Variants in PHACTR2 observed in about 807,000 individuals in gnomAD.
PHACTR2 encodes chromosome 6 open reading frame 56.
Under a neutral mutation model 76.0 loss-of-function variants are expected in PHACTR2, and 30 were observed. That is an observed-to-expected ratio of 0.39 (90% CI 0.30 to 0.54). The LOEUF is 0.54. Ranked by LOEUF, PHACTR2 falls within the 20% of genes least tolerant of loss-of-function variation. The pLI is 0.61. For synonymous variants in PHACTR2, 292 were observed against 292.5 expected (o/e 1.00, Z 0.02); for missense variants, 696 against 781.1 (o/e 0.89, Z 1.30).
chr6:143,813,342 G>A (rs111513570), intron 12 of PHACTR2, among the ~76,000 whole-genome samples: 4 of 152,192 alleles, frequency 2.6e-5, no homozygotes, highest in African/African-American at 7.2e-5. Context: ...AGATGCAGCC[G>A]GGTGCGGTGG....
intron 1 of PHACTR2, among the ~76,000 whole-genome samples, chr6:143,681,893 TA>T (rs1777396431): frequency 6.6e-6 from 1 of 152,238 alleles, no homozygotes; most frequent in Non-Finnish European, 1.5e-5. Context: ...ACTGTGTACA[TA>T]AGGGTTTACT....
Position 143,683,166 on chromosome 6 carries a change from G to A in PHACTR2, c.46+4957G>A, listed in dbSNP as rs59502532. Among the ~76,000 whole-genome samples, 2,431 of 152,222 alleles carry A rather than the reference G, an allele frequency of 0.016. 43 individuals are homozygous for A. Among genetic ancestry groups the A allele is most frequent in the African/African-American group, 0.056 (2,326 of 41,510 alleles). On this transcript the variant is annotated intron_variant, in intron 1 of 12. Coordinates refer to ENST00000440869, the MANE Select transcript of PHACTR2 (RefSeq NM_001100164.2). This position sits in a 1 kb window ranked among gnomAD's most constrained non-coding sequence, Gnocchi z 4.1. ...ATATGCCCTCAAATAGGATGGTTTC[G>A]GTACCCTCTGGCATCATGCCCTAGG...
chr6:143,756,946 T>C (rs1779315009), intron 4 of PHACTR2, among the ~76,000 whole-genome samples: 1 of 151,372 alleles, frequency 6.6e-6, no homozygotes, highest in African/African-American at 2.4e-5. Context: ...ACTGGGAAGC[T>C]GAGGCAGGGA....
rs922392009 is a variant in PHACTR2 at position 143,624,100 on chromosome 6, TG to T, written c.13+15779del. The stretch of plus-strand genomic sequence containing the variant: ...CTGAAATCTTGTTAATTTTTTTTGT[TG>T]TTTTTTTTGTTTGTTTGTTTGTTTT... On this transcript the variant is annotated intron_variant, in intron 1 of 11. Coordinates refer to the PHACTR2 transcript ENST00000305766. This position sits in a 1 kb window ranked among gnomAD's most constrained non-coding sequence, Gnocchi z 4.6. 2.1e-4 allele frequency among the ~76,000 whole-genome samples: 31 copies of T among 150,620 alleles called. No individual in the cohort carries two copies. The highest frequency in any genetic ancestry group is 5.8e-4 in the African/African-American group (24 of 41,140).
chr6:143,676,176 T>C (rs909782253), upstream of PHACTR2, among the ~76,000 whole-genome samples: 1 of 152,124 alleles, frequency 6.6e-6, no homozygotes, highest in Admixed American at 6.5e-5. This position sits in a 1 kb window ranked among gnomAD's most constrained non-coding sequence, Gnocchi z 4.8. Context: ...CTGGTTAGGG[T>C]ATTATAGGAA....
chr6:143,745,346 A>C (rs1779035536), intron 2 of PHACTR2, among the ~76,000 whole-genome samples: 1 of 152,184 alleles, frequency 6.6e-6, no homozygotes, highest in African/African-American at 2.4e-5. Flanking sequence ...AGTTACAGGG[A>C]GTGCGATTTG....
rs1303198976 is a variant in PHACTR2 at position 143,689,128 on chromosome 6, C to T, written c.46+10919C>T. ...CCCTTCGCTCTTCGCCAAGCTGACT[C>T]CTTGTTTCGGCTGGATCCTTGTGCT... On this transcript the variant is annotated intron_variant, in intron 1 of 12. Coordinates refer to ENST00000440869, the MANE Select transcript of PHACTR2 (RefSeq NM_001100164.2). This position sits in a 1 kb window ranked among gnomAD's most constrained non-coding sequence, Gnocchi z 4.4. Among the ~76,000 whole-genome samples, 1 of 152,182 alleles carries T rather than the reference C, an allele frequency of 6.6e-6. No individual in the cohort carries two copies. Among genetic ancestry groups the T allele is most frequent in the Admixed American group, 6.5e-5 (1 of 15,284 alleles).
In PHACTR2 at chr6:143,554,812, A is replaced by G. The variant is rs1775148964; in HGVS notation, c.217+17605A>G. 1 of 152,084 alleles carries G rather than the reference A, an allele frequency of 6.6e-6. No individual in the cohort carries two copies. The highest frequency in any genetic ancestry group is 2.4e-5 in the African/African-American group (1 of 41,410). 9.4% of individuals were successfully genotyped at this position (152,084 alleles called of 1,614,324 possible). A position where few individuals can be genotyped will look rare whatever the true frequency, so the allele number is the denominator to read the frequency against. Reference sequence around the variant, plus strand: ...TTCCCTGATTACTATTGAACCTAGGAAATATTTTATATTATTAGCCATTTG... The same window carrying G: ...TTCCCTGATTACTATTGAACCTAGGGAATATTTTATATTATTAGCCATTTG... On this transcript the variant is annotated intron_variant, in intron 1 of 11. Coordinates refer to the PHACTR2 transcript ENST00000367584. The surrounding 1 kb of genome is among the most constrained non-coding windows in gnomAD (Gnocchi z 5.9).
upstream of PHACTR2, among the ~76,000 whole-genome samples, chr6:143,607,351 C>T (rs1377863493): frequency 2.0e-5 from 3 of 152,224 alleles, no homozygotes; most frequent in Non-Finnish European, 4.4e-5. Flanking sequence ...TTCTCCAGCA[C>T]TGTGTTCACC....
rs1270875853 is a variant in PHACTR2, at chr6:143,621,921, G to A, written c.13+13599G>A. Among the ~76,000 whole-genome samples the A allele has an allele frequency of 6.6e-6, 1 of 152,100 alleles. No individual in the cohort carries two copies. The highest frequency in any genetic ancestry group is 1.5e-5 in the Non-Finnish European group (1 of 68,012). ...TCTCACATTTTGCTGTTGTGCACTTGCTTCTGGCAGCTCCCATCTCCCTCC... is the reference window on the plus strand; with the variant it reads ...TCTCACATTTTGCTGTTGTGCACTTACTTCTGGCAGCTCCCATCTCCCTCC... On this transcript the variant is annotated intron_variant, in intron 1 of 11. Coordinates refer to the PHACTR2 transcript ENST00000305766. The surrounding 1 kb of genome is among the most constrained non-coding windows in gnomAD (Gnocchi z 4.1).
intron 2 of PHACTR2, among the ~76,000 whole-genome samples, chr6:143,745,776 C>T (rs1050017988): frequency 6.6e-6 from 1 of 152,228 alleles, no homozygotes; most frequent in Non-Finnish European, 1.5e-5. Flanking sequence ...TAAATACGCT[C>T]TCAGCGAAAG....
In PHACTR2 at chr6:143,578,100, C is replaced by T. The variant is rs1394807775; in HGVS notation, c.217+40893C>T. Among the ~76,000 whole-genome samples, 1 of 152,194 alleles carries T rather than the reference C, an allele frequency of 6.6e-6. No individual in the cohort carries two copies. Among genetic ancestry groups the T allele is most frequent in the South Asian group, 2.1e-4 (1 of 4,830 alleles). On this transcript the variant is annotated intron_variant, in intron 1 of 11. Transcript: ENST00000367584. This position sits in a 1 kb window ranked among gnomAD's most constrained non-coding sequence, Gnocchi z 4.5. ...TCCCTTTCCCTCTCATGGATTAAATCAGCCATAGTCCAAATGCAAAGAGGG... is the reference window on the plus strand; with the variant it reads ...TCCCTTTCCCTCTCATGGATTAAATTAGCCATAGTCCAAATGCAAAGAGGG...
In PHACTR2 at chr6:143,702,161, G is replaced by A. The variant is rs1410176502; in HGVS notation, c.47-9855G>A. Among the ~76,000 whole-genome samples the A allele has an allele frequency of 2.5e-5, 3 of 120,896 alleles. No homozygotes were observed. The East Asian group carries it at 8.0e-4, about 32-fold the overall frequency. 79.3% of individuals were successfully genotyped at this position (120,896 alleles called of 152,430 possible). ...TTTTTTTTTTTTTTGAGAAGGGATT[G>A]CAGTGGCATGATCTTGGCTCACTGC... On this transcript the variant is annotated intron_variant, in intron 1 of 12. Coordinates refer to ENST00000440869, the MANE Select transcript of PHACTR2 (RefSeq NM_001100164.2).
intron 1 of PHACTR2, chr6:143,711,775 T>G: frequency 1.5e-6 from 1 of 687,014 alleles, no homozygotes; most frequent in Non-Finnish European, 2.7e-6. Context: ...CCATCTATAA[T>G]GTAAGTCTCT....
chr6:143,721,140 G>A (rs886500248), intron 2 of PHACTR2, among the ~76,000 whole-genome samples: 5 of 152,208 alleles, frequency 3.3e-5, no homozygotes, highest in African/African-American at 1.2e-4. Flanking sequence ...TGGCGCATAT[G>A]TTGGTGTTTT....
rs1777169118 is a variant in PHACTR2, at chr6:143,672,399, TACAGTAAG to T, written c.14-39616_14-39609del. Reference sequence around the variant, plus strand: ...TTGCTTGAGCCCAGGAGTTCAAGGCTACAGTAAGCAATGATTATACCACTGCACTCCAG... The same window carrying T: ...TTGCTTGAGCCCAGGAGTTCAAGGCTCAATGATTATACCACTGCACTCCAG... On this transcript the variant is annotated intron_variant, in intron 1 of 11. Coordinates refer to the PHACTR2 transcript ENST00000305766. The surrounding 1 kb of genome is among the most constrained non-coding windows in gnomAD (Gnocchi z 5.8). 6.6e-6 allele frequency among the ~76,000 whole-genome samples: 1 copy of T among 152,054 alleles called. No homozygotes were observed. The highest frequency in any genetic ancestry group is 1.5e-5 in the Non-Finnish European group (1 of 68,030).
rs1779514719 is a variant in PHACTR2, at chr6:143,764,658, C to T, written c.695-603C>T. 6.6e-6 allele frequency among the ~76,000 whole-genome samples: 1 copy of T among 152,048 alleles called. No individual in the cohort carries two copies. ...TTTTCCCTTTACCCCATCTCTACTG[C>T]AGATGGAAGTAGAGTCCAGCATGGC... is the stretch of plus-strand genomic sequence containing the variant. On this transcript the variant is annotated intron_variant, in intron 5 of 12. Coordinates refer to ENST00000440869, the MANE Select transcript of PHACTR2 (RefSeq NM_001100164.2). The surrounding 1 kb of genome is among the most constrained non-coding windows in gnomAD (Gnocchi z 4.7).
intron 11 of PHACTR2, among the ~76,000 whole-genome samples, chr6:143,802,054 C>T (rs574296048): frequency 3.3e-5 from 5 of 152,318 alleles, no homozygotes; most frequent in African/African-American, 1.2e-4. Context: ...AACGCCTGAG[C>T]TGACTGGGAC....
chr6:143,644,859 A>G (rs779109537), intron 1 of PHACTR2, among the ~76,000 whole-genome samples: 67 of 151,730 alleles, frequency 4.4e-4, no homozygotes, highest in Non-Finnish European at 8.7e-4. Context: ...ATTGGGGAAC[A>G]GGTGGTGTTT....
Sources: gnomAD v4.1 joint callset for allele counts (sites outside exome capture counted in the v4.1 genomes callset) on GRCh38, gnomAD v4.1.1 for gene constraint, Gnocchi (gnomAD v3.1) non-coding constraint, MANE v1.5 for transcripts, NCBI Gene and HGNC (gene_info 2026-07-23, HGNC 2026-07-21) for gene names.